MAP2K4: variants seen among roughly 807,000 people sequenced by gnomAD.
MAP2K4 encodes the protein mitogen-activated protein kinase kinase 4, also known as dual specificity mitogen-activated protein kinase kinase 4.
MAP2K4 carries 4 observed loss-of-function variants against 48.5 expected under a neutral mutation model. The observed-to-expected ratio is 0.08, with a 90% CI of 0.04 to 0.19. The LOEUF (loss-of-function observed/expected upper bound fraction) is 0.19, where lower values mean the gene tolerates loss of function less well. Among genes scored for constraint, MAP2K4 ranks in the 10% least tolerant of loss-of-function variants. The pLI is 1.00. For missense variants in MAP2K4, 258 were observed against 493.3 expected, an observed-to-expected ratio of 0.52 and a Z score of 4.52; for synonymous variants, 166 against 173.1, an observed-to-expected ratio of 0.96 and a Z score of 0.32.
At chr17:12,139,914 A>G (rs376317709) in intron 10 of MAP2K4, 30 bp downstream of exon 10, 1 of 1,547,386 alleles carries the variant, frequency 6.5e-7, no homozygotes, top group Admixed American at 1.8e-5. Flanking sequence ...GATTGTAGGT[A>G]CATCCTAACC....
intron 1 of MAP2K4, among the ~76,000 whole-genome samples, chr17:12,021,734 GAAA>G (rs896882494): frequency 4.0e-5 from 4 of 99,982 alleles, no homozygotes; most frequent in Non-Finnish European, 7.6e-5. Flanking sequence ...CGTGCAGGAA[GAAA>G]AAAAAAAAAA....
intron 7 of MAP2K4, chr17:12,124,169 A>C (rs575739757): frequency 6.6e-6 from 1 of 152,332 alleles, no homozygotes; most frequent in Admixed American, 6.5e-5. Flanking sequence ...GTTGATGCTC[A>C]CAGGCAGAGA....
At position 12,132,676 on chromosome 17, in the gene MAP2K4, G is replaced by T. The variant is rs753855304; in HGVS notation, c.1040+3389G>T. 2.0e-5 allele frequency among the ~76,000 whole-genome samples: 3 copies of T among 152,002 alleles called. No individual in the cohort carries two copies. The South Asian group carries it at 6.2e-4, about 32-fold the overall frequency. ...ACCTTGCCGACTGAGGTGTCTGAGC[G>T]CTCAGCATTGGGAAATGGTCGACTC... On this transcript the variant is annotated intron_variant, in intron 9 of 10. Coordinates refer to ENST00000353533, the MANE Select transcript of MAP2K4 (RefSeq NM_003010.4).
At chr17:12,053,699 A>C (rs534459645) in intron 1 of MAP2K4, among the ~76,000 whole-genome samples, 1 of 151,972 alleles carries the variant, frequency 6.6e-6, no homozygotes, top group African/African-American at 2.4e-5. Context: ...GTGGGAATTC[A>C]CATGATCTGG....
chr17:12,022,630 ATATT>A (rs779890568), intron 1 of MAP2K4, among the ~76,000 whole-genome samples: 67 of 152,334 alleles, frequency 4.4e-4, no homozygotes, highest in Non-Finnish European at 7.8e-4. Flanking sequence ...GGTTCAAAAA[ATATT>A]TATTGAGCAT....
At chr17:12,050,667 G>C (rs575501555) in intron 1 of MAP2K4, among the ~76,000 whole-genome samples, 3 of 152,182 alleles carry the variant, frequency 2.0e-5, no homozygotes, top group Non-Finnish European at 4.4e-5. Context: ...AGCTTAGCTG[G>C]TTGTGGAAAG....
At chr17:12,138,270 CAT>C (rs936468397) in intron 9 of MAP2K4, among the ~76,000 whole-genome samples, 20 of 152,120 alleles carry the variant, frequency 1.3e-4, no homozygotes, top group Admixed American at 5.9e-4. Context: ...CAAAAATCCG[CAT>C]ATAACTTTTG....
At position 12,020,910 on chromosome 17, in the gene MAP2K4, C is replaced by CGGCGGCGGCTCCGGG. The variant is rs1487618598; in HGVS notation, c.31_45dup (p.Gly11_Gly15dup). 1 of 1,215,754 alleles carries CGGCGGCGGCTCCGGG rather than the reference C, an allele frequency of 8.2e-7. No individual in the cohort carries two copies. Among genetic ancestry groups the CGGCGGCGGCTCCGGG allele is most frequent in the Non-Finnish European group, 1.0e-6 (1 of 977,716 alleles). The allele number at this position is 1,215,754 out of a possible 1,614,324, so 75.3% of individuals were successfully genotyped here. On this transcript the variant is annotated inframe_insertion, in exon 1 of 11. Transcript: ENST00000353533. ...CAATGGCGGCTCCGAGCCCGAGCGG[C>CGGCGGCGGCTCCGGG]GGCGGCGGCTCCGGGGGCGGCAGCG...
chr17:12,030,133 T>C (rs1326646435), intron 1 of MAP2K4, among the ~76,000 whole-genome samples: 1 of 152,124 alleles, frequency 6.6e-6, no homozygotes. Flanking sequence ...TTTGGTACTT[T>C]CCCAAATCTG....
rs73977819 is a variant in MAP2K4 at position 12,122,047 on chromosome 17, A to G, written c.814-3247A>G. On this transcript the variant is annotated intron_variant, in intron 7 of 10. Transcript: ENST00000353533. ...AGGAAAATAAAAACTTGGGACCCCA[A>G]TTTACTATGCCAAAACAAAAAATTC... is the stretch of plus-strand genomic sequence containing the variant. Among the ~76,000 whole-genome samples, 35 of 152,348 alleles carry G rather than the reference A, an allele frequency of 2.3e-4. 1 individual carries two copies. The highest frequency in any genetic ancestry group is 7.9e-4 in the African/African-American group (33 of 41,586).
intron 7 of MAP2K4, among the ~76,000 whole-genome samples, chr17:12,116,370 G>A (rs1339893212): frequency 1.3e-5 from 2 of 152,106 alleles, no homozygotes; most frequent in Admixed American, 1.3e-4. Context: ...GGCCTAGGAT[G>A]CTACTGTAGA....
chr17:12,127,306 C>G (rs1229953461), intron 8 of MAP2K4, among the ~76,000 whole-genome samples: 1 of 152,190 alleles, frequency 6.6e-6, no homozygotes, highest in Non-Finnish European at 1.5e-5. Flanking sequence ...TCTCGGGCAT[C>G]TTTTAGGTTT....
intron 1 of MAP2K4, among the ~76,000 whole-genome samples, chr17:12,043,148 C>A (rs1289247598): frequency 1.3e-5 from 2 of 152,060 alleles, no homozygotes; most frequent in Admixed American, 6.6e-5. Context: ...GTTTGTAAAT[C>A]AACTATTGAT....
chr17:12,106,700 T>A (rs987756983), intron 4 of MAP2K4, among the ~76,000 whole-genome samples: 4 of 152,170 alleles, frequency 2.6e-5, no homozygotes, highest in Non-Finnish European at 5.9e-5. Flanking sequence ...TATAATTTTT[T>A]AAAAATCATT....
intron 1 of MAP2K4, among the ~76,000 whole-genome samples, chr17:12,046,331 C>T (rs9907662): frequency 1.6e-4 from 25 of 152,054 alleles, no homozygotes; most frequent in African/African-American, 5.5e-4. Flanking sequence ...AATTGGGGTT[C>T]GGGGGGTTAT....
chr17:12,039,728 G>A (rs929114359), intron 1 of MAP2K4, among the ~76,000 whole-genome samples: 1 of 152,126 alleles, frequency 6.6e-6, no homozygotes, highest in African/African-American at 2.4e-5. Flanking sequence ...ATTTGTTCAA[G>A]TTGAGACCTC....
chr17:12,063,086 C>A (rs144944353), intron 2 of MAP2K4, among the ~76,000 whole-genome samples: 149 of 152,234 alleles, frequency 9.8e-4, no homozygotes, highest in Non-Finnish European at 1.9e-3. Flanking sequence ...TCAGTGAAAT[C>A]CCATCAGACT....
intron 3 of MAP2K4, among the ~76,000 whole-genome samples, chr17:12,083,366 G>T (rs1269200189): frequency 6.6e-6 from 1 of 152,194 alleles, no homozygotes; most frequent in East Asian, 1.9e-4. Context: ...ATTATCAGTG[G>T]CTACTGGCTA....
At chr17:12,101,079 T>G (rs1419101991) in intron 4 of MAP2K4, among the ~76,000 whole-genome samples, 1 of 152,090 alleles carries the variant, frequency 6.6e-6, no homozygotes, top group East Asian at 1.9e-4. Context: ...ATAGGCCAAT[T>G]TTTAAATTTG....
Sources: gnomAD v4.1 joint callset for allele counts (sites outside exome capture counted in the v4.1 genomes callset) on GRCh38, gnomAD v4.1.1 for gene constraint, MANE v1.5 for transcripts, NCBI Gene and HGNC (gene_info 2026-07-23, HGNC 2026-07-21) for gene names.